The following LAPTM4B variants were observed in gnomAD, a reference collection of about 807,000 sequenced individuals.
The protein encoded by LAPTM4B is lysosomal-associated transmembrane protein 4B.
In LAPTM4B, 26 loss-of-function variants were observed where a neutral mutation model predicts 28.5. The observed-to-expected ratio is 0.91, with a 90% CI of 0.67 to 1.27. LAPTM4B has a LOEUF of 1.27. Among genes scored for constraint, LAPTM4B ranks in the 50% most tolerant of loss-of-function variants. The pLI, the probability that LAPTM4B is intolerant of heterozygous loss-of-function variation, is 0.00. For missense variants in LAPTM4B, 288 were observed against 285.8 expected (o/e 1.01, Z -0.06); for synonymous variants, 109 against 106.4 (o/e 1.02, Z -0.15).
intron 5 of LAPTM4B, among the ~76,000 whole-genome samples, chr8:97,819,928 G>C (rs991129122): frequency 6.6e-6 from 1 of 151,774 alleles, no homozygotes; most frequent in African/African-American, 2.4e-5. Flanking sequence ...GTAGAGATGG[G>C]GTTTCACTGT....
intron 1 of LAPTM4B, among the ~76,000 whole-genome samples, chr8:97,804,387 G>A (rs1395264170): frequency 5.3e-5 from 8 of 152,228 alleles, no homozygotes; most frequent in African/African-American, 1.9e-4. Context: ...TGAGTGTGCA[G>A]GATAAAGATG....
intron 1 of LAPTM4B, chr8:97,788,309 G>T: frequency 7.8e-6 from 3 of 386,116 alleles, no homozygotes; most frequent in Admixed American, 5.8e-5. Flanking sequence ...GGACATTTTT[G>T]CTTTTGTTTC....
rs187875266 is a variant in LAPTM4B at position 97,845,305 on chromosome 8, C to T, written c.604-6092C>T. Among the ~76,000 whole-genome samples the T allele has an allele frequency of 4.9e-3, 743 of 151,762 alleles. 6 individuals carry two copies. Among genetic ancestry groups the T allele is most frequent in the African/African-American group, 0.016 (680 of 41,388 alleles). Reference sequence around the variant, plus strand: ...CCTTTCTCATACAACTCTTGATTTTCCCAAACTAACACTTGCTTTGTTTTT... The same window carrying T: ...CCTTTCTCATACAACTCTTGATTTTTCCAAACTAACACTTGCTTTGTTTTT... On this transcript the variant is annotated intron_variant, in intron 6 of 6. Transcript: ENST00000521545.
intron 1 of LAPTM4B, among the ~76,000 whole-genome samples, chr8:97,800,451 A>G (rs1816652548): frequency 7.6e-6 from 1 of 132,120 alleles, no homozygotes; most frequent in South Asian, 2.4e-4. Context: ...GCCAGATGAC[A>G]TTCTTCCCTT....
chr8:97,824,965 A>T, intron 5 of LAPTM4B, 93 bp from the exon 6 acceptor site: 1 of 711,906 alleles, frequency 1.4e-6, no homozygotes. Context: ...GCTTATGTCA[A>T]TAAAAGTTTT....
Position 97,805,481 on chromosome 8 carries a change from T to C in LAPTM4B, c.211+17T>C. ...ATGATGCCAGTAAGTAGTAGATATT[T>C]GGGTATTTTCAAGGGCAGGGAATCT... On this transcript the variant is annotated intron_variant, in intron 2 of 6. Coordinates refer to ENST00000521545, the MANE Select transcript of LAPTM4B (RefSeq NM_018407.6). The C allele has an allele frequency of 7.0e-7, 1 of 1,438,498 alleles. No individual in the cohort carries two copies. Among genetic ancestry groups the C allele is most frequent in the Non-Finnish European group, 9.8e-7 (1 of 1,022,812 alleles). 89.1% of individuals were successfully genotyped at this position (1,438,498 alleles called of 1,614,324 possible).
intron 1 of LAPTM4B, among the ~76,000 whole-genome samples, chr8:97,793,608 C>G (rs1816538694): frequency 6.6e-6 from 1 of 152,166 alleles, no homozygotes; most frequent in Admixed American, 6.5e-5. Flanking sequence ...TTTGACACTT[C>G]AGCGATAGAG....
intron 1 of LAPTM4B, among the ~76,000 whole-genome samples, chr8:97,791,739 C>T (rs1816501608): frequency 6.6e-6 from 1 of 152,182 alleles, no homozygotes; most frequent in Non-Finnish European, 1.5e-5. Context: ...GTAATCAAAG[C>T]ACCAACAATT....
chr8:97,783,671 A>ATGTG, intron 1 of LAPTM4B, among the ~76,000 whole-genome samples: 1 of 152,128 alleles, frequency 6.6e-6, no homozygotes, highest in South Asian at 2.1e-4. Context: ...CAGGCTACCA[A>ATGTG]GTATCTTTTC....
chr8:97,788,787 C>G (rs930215861), intron 1 of LAPTM4B, among the ~76,000 whole-genome samples: 1 of 151,798 alleles, frequency 6.6e-6, no homozygotes, highest in Non-Finnish European at 1.5e-5. Flanking sequence ...CTCCACCTCC[C>G]GGGTTCAAGC....
intron 6 of LAPTM4B, among the ~76,000 whole-genome samples, chr8:97,844,354 C>T (rs961877374): frequency 5.3e-5 from 8 of 152,112 alleles, no homozygotes; most frequent in Admixed American, 1.3e-4. Flanking sequence ...GCCTTGGCCT[C>T]CCAAAGTGCT....
At chr8:97,807,734 T>A (rs904643213) in intron 2 of LAPTM4B, among the ~76,000 whole-genome samples, 1 of 152,034 alleles carries the variant, frequency 6.6e-6, no homozygotes, top group Non-Finnish European at 1.5e-5. Context: ...GAGCTCCAAC[T>A]GTAAGAGGCC....
chr8:97,836,096 C>T (rs1173020825), intron 6 of LAPTM4B, among the ~76,000 whole-genome samples: 5 of 152,182 alleles, frequency 3.3e-5, no homozygotes, highest in African/African-American at 1.2e-4. Context: ...TCATCAACCC[C>T]TTAGCAAAGT....
intron 1 of LAPTM4B, among the ~76,000 whole-genome samples, chr8:97,782,626 C>T (rs542480065): frequency 2.6e-5 from 4 of 151,320 alleles, no homozygotes; most frequent in Admixed American, 1.3e-4. Context: ...TTGGTAGAGA[C>T]GGGGTTTCAC....
Position 97,775,923 on chromosome 8 carries a change from C to T in LAPTM4B, c.-87C>T, listed in dbSNP as rs928516763. The T allele has an allele frequency of 5.9e-6, 7 of 1,194,328 alleles. No homozygotes were observed. Among genetic ancestry groups the T allele is most frequent in the Non-Finnish European group, 6.7e-6 (6 of 889,380 alleles). The allele number at this position is 1,194,328 out of a possible 1,614,324, so 74.0% of individuals were successfully genotyped here. A position where few individuals can be genotyped will look rare whatever the true frequency, so the allele number is the denominator to read the frequency against. On this transcript the variant is annotated 5_prime_UTR_variant, in exon 1 of 7. Transcript: ENST00000521545. Reference sequence around the variant, plus strand: ...CCGGGAGCCGGAGCGGCGGAGGAGCCGGCAGCAGCGGCGCGGCGGGCTCCA... The same window carrying T: ...CCGGGAGCCGGAGCGGCGGAGGAGCTGGCAGCAGCGGCGCGGCGGGCTCCA...
At position 97,815,406 on chromosome 8, in the gene LAPTM4B, GCC is replaced by G; in HGVS notation, c.285+6_285+7del. 6.2e-7 allele frequency: 1 copy of G among 1,607,336 alleles called. No individual in the cohort carries two copies. ...GCTACTTACGGAGCGTACAAGGTAA[GCC>G]GCTTGCAGTAAGATGCTGGCCTTTT... On this transcript the variant is annotated splice_donor_region_variant and intron_variant, in intron 3 of 6. Transcript: ENST00000521545.
chr8:97,805,212 G>C, intron 1 of LAPTM4B, 141 bp from the exon 2 acceptor site: 1 of 591,122 alleles, frequency 1.7e-6, no homozygotes, highest in South Asian at 2.2e-5. Flanking sequence ...TCCATGGGTG[G>C]GGCTTAGTGT....
chr8:97,841,885 G>T (rs1029667355), intron 6 of LAPTM4B, among the ~76,000 whole-genome samples: 4 of 152,196 alleles, frequency 2.6e-5, no homozygotes, highest in African/African-American at 7.2e-5. Context: ...TGGTGGAAAA[G>T]AAAACATATT....
chr8:97,824,817 C>T (rs531565166), intron 5 of LAPTM4B, among the ~76,000 whole-genome samples: 1 of 152,182 alleles, frequency 6.6e-6, no homozygotes, highest in Non-Finnish European at 1.5e-5. Flanking sequence ...CAACTTCCCC[C>T]AGTACCACCC....
Sources: gnomAD v4.1 joint callset for allele counts (sites outside exome capture counted in the v4.1 genomes callset) on GRCh38, gnomAD v4.1.1 for gene constraint, MANE v1.5 for transcripts, NCBI Gene and HGNC (gene_info 2026-07-23, HGNC 2026-07-21) for gene names.